The following ADARB2 variants were observed in gnomAD, a reference collection of about 807,000 sequenced individuals.
ADARB2 encodes the protein inactive double-stranded RNA-specific editase B2.
ADARB2 carries 25 observed loss-of-function variants against 62.2 expected under a neutral mutation model. That is an observed-to-expected ratio of 0.40 (90% CI 0.29 to 0.56). The LOEUF (loss-of-function observed/expected upper bound fraction) is 0.56. Among genes scored for constraint, ADARB2 ranks in the 20% least tolerant of loss-of-function variants. ADARB2 has a pLI of 0.43. For synonymous variants in ADARB2, 572 were observed against 500.8 expected (o/e 1.14, Z -1.90); for missense variants, 1,071 against 1,077.4 (o/e 0.99, Z 0.08).
chr10:1,238,534 C>T (rs1227310735), intron 5 of ADARB2, among the ~76,000 whole-genome samples: 2 of 4,750 alleles, frequency 4.2e-4, no homozygotes, highest in African/African-American at 5.5e-4. Context: ...TCCCGGTGTT[C>T]ACTCCCCCCT....
In ADARB2 at chr10:1,255,874, C is replaced by A. The variant is rs1292055320; in HGVS notation, c.1193-13575G>T. ...AGTTGGGCCCTGACACAGGCAGCAT[C>A]CAGGCAGGCAAGCACATTGACAACC... On this transcript the variant is annotated intron_variant, in intron 4 of 9. Coordinates refer to ENST00000381312, the MANE Select transcript of ADARB2 (RefSeq NM_018702.4). The surrounding 1 kb of genome is among the most constrained non-coding windows in gnomAD (Gnocchi z 4.7). 6.6e-6 allele frequency among the ~76,000 whole-genome samples: 1 copy of A among 152,174 alleles called. No homozygotes were observed. The highest frequency in any genetic ancestry group is 2.4e-5 in the African/African-American group (1 of 41,424).
chr10:1,604,733 C>A (rs1833473292), intron 1 of ADARB2, among the ~76,000 whole-genome samples: 1 of 152,184 alleles, frequency 6.6e-6, no homozygotes, highest in Non-Finnish European at 1.5e-5. Context: ...GCCTGTTCCT[C>A]CTCAACGCAT....
At chr10:1,638,832 C>T (rs1380808898) in intron 1 of ADARB2, among the ~76,000 whole-genome samples, 1 of 152,206 alleles carries the variant, frequency 6.6e-6, no homozygotes, top group Non-Finnish European at 1.5e-5. Context: ...CATCACTCAT[C>T]TTCTATTTGC....
chr10:1,393,697 C>T (rs1457013786), intron 1 of ADARB2, among the ~76,000 whole-genome samples: 1 of 152,292 alleles, frequency 6.6e-6, no homozygotes, highest in East Asian at 1.9e-4. Context: ...CTCCAGCTAA[C>T]CTTGGAAAAA....
At chr10:1,542,350 G>T (rs1832443069) in intron 1 of ADARB2, among the ~76,000 whole-genome samples, 1 of 9,198 alleles carries the variant, frequency 1.1e-4, no homozygotes, top group Non-Finnish European at 2.6e-4. Flanking sequence ...TTCAGACCCT[G>T]GATCACAGCC....
chr10:1,203,978 G>C (rs902197942), intron 7 of ADARB2, among the ~76,000 whole-genome samples: 1 of 152,172 alleles, frequency 6.6e-6, no homozygotes, highest in Non-Finnish European at 1.5e-5. Context: ...TGGCTCTGAG[G>C]CTGCTCAGTT....
chr10:1,734,785 T>C (rs79193803), intron 1 of ADARB2, among the ~76,000 whole-genome samples: 2,358 of 152,306 alleles, frequency 0.015, 59 homozygotes, highest in African/African-American at 0.047. Context: ...TTGTGGCAAG[T>C]ATAGAGTTTT....
At chr10:1,273,089 C>T (rs549563883) in intron 3 of ADARB2, among the ~76,000 whole-genome samples, 107 of 152,314 alleles carry the variant, frequency 7.0e-4, no homozygotes, top group African/African-American at 2.0e-3. Context: ...TTAGGGCCCA[C>T]TTGGGCAATC....
At chr10:1,186,801 C>G (rs1357457429) in intron 8 of ADARB2, among the ~76,000 whole-genome samples, 7 of 152,250 alleles carry the variant, frequency 4.6e-5, no homozygotes, top group Admixed American at 4.6e-4. Flanking sequence ...CAGCATTGGT[C>G]TGAGAGCAAA....
intron 1 of ADARB2, among the ~76,000 whole-genome samples, chr10:1,589,137 C>T (rs1327671822): frequency 3.9e-5 from 6 of 152,198 alleles, no homozygotes; most frequent in African/African-American, 1.4e-4. Context: ...TTATGTGCAC[C>T]GAATTCCTTC....
intron 6 of ADARB2, among the ~76,000 whole-genome samples, chr10:1,221,171 G>C (rs1420049795): frequency 6.6e-6 from 1 of 152,198 alleles, no homozygotes; most frequent in African/African-American, 2.4e-5. Flanking sequence ...ATGATCTGTA[G>C]TGGATTTAGA....
intron 1 of ADARB2, among the ~76,000 whole-genome samples, chr10:1,687,415 A>C (rs1029737306): frequency 2.6e-5 from 4 of 152,092 alleles, no homozygotes; most frequent in African/African-American, 9.7e-5. Context: ...TCATCTCGTA[A>C]ATATGGCCAC....
At chr10:1,460,654 G>C (rs1175053982) in intron 1 of ADARB2, among the ~76,000 whole-genome samples, 1 of 125,714 alleles carries the variant, frequency 8.0e-6, no homozygotes, top group Non-Finnish European at 1.7e-5. Context: ...GAGTTTACCT[G>C]TGTAACGAAC....
chr10:1,407,267 T>A (rs1832714975), intron 1 of ADARB2, among the ~76,000 whole-genome samples: 1 of 152,156 alleles, frequency 6.6e-6, no homozygotes, highest in African/African-American at 2.4e-5. Context: ...AGCAGGACGA[T>A]GACCTGCAGT....
At chr10:1,554,867 A>G (rs942066138) in intron 1 of ADARB2, among the ~76,000 whole-genome samples, 1 of 151,992 alleles carries the variant, frequency 6.6e-6, no homozygotes, top group Non-Finnish European at 1.5e-5. Flanking sequence ...ATAGAACCCA[A>G]TAGTTTTTCA....
chr10:1,454,059 G>A (rs1564293587), intron 1 of ADARB2, among the ~76,000 whole-genome samples: 1 of 152,222 alleles, frequency 6.6e-6, no homozygotes, highest in Non-Finnish European at 1.5e-5. Context: ...AGGTTTAATG[G>A]ACTCACAGTT....
chr10:1,672,565 CCCCA>C (rs1834401456), intron 1 of ADARB2, among the ~76,000 whole-genome samples: 1 of 151,116 alleles, frequency 6.6e-6, no homozygotes, highest in Non-Finnish European at 1.5e-5. Flanking sequence ...TCCTGCCTCC[CCCCA>C]TGCACGCGCT....
chr10:1,197,143 A>T (rs931531580), intron 8 of ADARB2, among the ~76,000 whole-genome samples: 2 of 152,238 alleles, frequency 1.3e-5, no homozygotes, highest in Non-Finnish European at 2.9e-5. Context: ...TCTGGATAAA[A>T]TATTTGCTAC....
chr10:1,601,519 T>C (rs1564343475), intron 1 of ADARB2, among the ~76,000 whole-genome samples: 1 of 152,246 alleles, frequency 6.6e-6, no homozygotes, highest in East Asian at 1.9e-4. Flanking sequence ...ATCTTAGCTA[T>C]TGTGTCTTAG....
Sources: gnomAD v4.1 joint callset for allele counts (sites outside exome capture counted in the v4.1 genomes callset) on GRCh38, gnomAD v4.1.1 for gene constraint, Gnocchi (gnomAD v3.1) non-coding constraint, MANE v1.5 for transcripts, NCBI Gene and HGNC (gene_info 2026-07-23, HGNC 2026-07-21) for gene names.